Variants in PIEZO2 observed in about 807,000 individuals in gnomAD.
PIEZO2 encodes piezo-type mechanosensitive ion channel component 2.
A neutral mutation model predicts 337.3 loss-of-function variants in PIEZO2; 172 were observed. The ratio of observed to expected loss-of-function variants is 0.51; its 90% CI spans 0.45 to 0.58. The LOEUF is 0.58. PIEZO2 is among the 20% of genes least tolerant of loss of function. The pLI is 0.00. For synonymous variants in PIEZO2, 1,251 were observed against 1,228.5 expected (o/e 1.02, Z -0.38); for missense variants, 3,028 against 3,391.3 (o/e 0.89, Z 2.66).
At chr18:10,939,084 A>C (rs1018928292) in intron 3 of PIEZO2, among the ~76,000 whole-genome samples, 49 of 129,394 alleles carry the variant, frequency 3.8e-4, no homozygotes, top group East Asian at 1.7e-3. Context: ...CAAAACAAAA[A>C]AAAAATGTAA....
Position 10,731,391 on chromosome 18 carries a change from C to A in PIEZO2, c.5029+16G>T, listed in dbSNP as rs532759799. ...AACCTGCCACACCCACCACAGCCAC[C>A]CCACCCACCACTCACCCTCCTTGGA... On this transcript the variant is annotated intron_variant, in intron 36 of 55. Coordinates refer to ENST00000674853, the MANE Select transcript of PIEZO2 (RefSeq NM_001378183.1). 5.3e-6 allele frequency: 8 copies of A among 1,519,506 alleles called. No individual in the cohort carries two copies. The African/African-American group carries it at 6.9e-5, about 13-fold the overall frequency. 94.1% of individuals were successfully genotyped at this position (1,519,506 alleles called of 1,614,324 possible).
chr18:10,808,340 A>T (rs1345620906), intron 7 of PIEZO2, among the ~76,000 whole-genome samples: 4 of 152,122 alleles, frequency 2.6e-5, no homozygotes, highest in African/African-American at 9.7e-5. Context: ...GATCCTCCCA[A>T]GTTAGTCTCC....
chr18:10,720,188 TAG>T (rs2036197952), intron 36 of PIEZO2, among the ~76,000 whole-genome samples: 1 of 142,296 alleles, frequency 7.0e-6, no homozygotes, highest in Admixed American at 7.8e-5. Context: ...GCTTCATATA[TAG>T]AGAGAGGATA....
rs1265219348 is a variant in PIEZO2, at chr18:11,083,026, G to T, written c.65-16804C>A. ...GGTGGCACCACCTTTCACAGAAGTT[G>T]CCTTATGGATGTGGACATCACCTCT... On this transcript the variant is annotated intron_variant, in intron 1 of 55. Transcript: ENST00000674853. The surrounding 1 kb of genome is among the most constrained non-coding windows in gnomAD (Gnocchi z 4.4). Among the ~76,000 whole-genome samples, 1 of 152,182 alleles carries T rather than the reference G, an allele frequency of 6.6e-6. No individual in the cohort carries two copies.
intron 2 of PIEZO2, among the ~76,000 whole-genome samples, chr18:10,985,194 A>T (rs2034824173): frequency 6.6e-6 from 1 of 152,122 alleles, no homozygotes; most frequent in East Asian, 1.9e-4. Flanking sequence ...GAATACCGTA[A>T]TGGTGATATG....
intron 2 of PIEZO2, among the ~76,000 whole-genome samples, chr18:11,041,881 G>T (rs1001501734): frequency 2.0e-5 from 3 of 152,178 alleles, no homozygotes; most frequent in African/African-American, 4.8e-5. Context: ...CAGTGGCATT[G>T]AAAACTATCT....
chr18:11,059,927 T>A (rs564954661), intron 2 of PIEZO2, among the ~76,000 whole-genome samples: 1 of 152,110 alleles, frequency 6.6e-6, no homozygotes, highest in Non-Finnish European at 1.5e-5. Context: ...TCTACAGAAG[T>A]CTCCACCCCA....
chr18:10,765,309 G>A (rs2038305207), intron 21 of PIEZO2, among the ~76,000 whole-genome samples: 1 of 152,204 alleles, frequency 6.6e-6, no homozygotes, highest in Admixed American at 6.5e-5. Flanking sequence ...TTCATTGTGA[G>A]AGAAGTGTGA....
At position 10,872,529 on chromosome 18, in the gene PIEZO2, C is replaced by T. The variant is rs1410865004; in HGVS notation, c.330-1114G>A. Among the ~76,000 whole-genome samples, 1 of 152,178 alleles carries T rather than the reference C, an allele frequency of 6.6e-6. No homozygotes were observed. Among genetic ancestry groups the T allele is most frequent in the Non-Finnish European group, 1.5e-5 (1 of 68,036 alleles). ...TGGCTAAGCTCACTCTGCTGCAAGACACCAGAGCTTAATAGGCACTGGCAG... is the reference window on the plus strand; with the variant it reads ...TGGCTAAGCTCACTCTGCTGCAAGATACCAGAGCTTAATAGGCACTGGCAG... On this transcript the variant is annotated intron_variant, in intron 4 of 55. Transcript: ENST00000674853. The surrounding 1 kb of genome is among the most constrained non-coding windows in gnomAD (Gnocchi z 4.3).
intron 2 of PIEZO2, among the ~76,000 whole-genome samples, chr18:11,039,355 G>A (rs772411932): frequency 6.6e-5 from 10 of 152,114 alleles, no homozygotes; most frequent in South Asian, 4.1e-4. Flanking sequence ...CAGAAAGGGC[G>A]GAAAAAAGCT....
chr18:10,965,720 C>G (rs2033968796), intron 3 of PIEZO2, among the ~76,000 whole-genome samples: 1 of 152,108 alleles, frequency 6.6e-6, no homozygotes, highest in Admixed American at 6.5e-5. Context: ...TGACAAAAAT[C>G]AAAACCACCC....
intron 2 of PIEZO2, among the ~76,000 whole-genome samples, chr18:11,050,432 GCAT>G (rs1372918916): frequency 1.3e-5 from 2 of 151,844 alleles, no homozygotes; most frequent in Non-Finnish European, 2.9e-5. Flanking sequence ...TTCAAATGGG[GCAT>G]CGTTTTTCTT....
intron 14 of PIEZO2, 22 bp from the exon 15 acceptor site, chr18:10,789,387 G>A: frequency 6.6e-7 from 1 of 1,524,494 alleles, no homozygotes; most frequent in Non-Finnish European, 8.8e-7. Context: ...AAACTGTGCT[G>A]TTATACTTAG....
At chr18:11,072,238 C>A (rs932520429) in intron 1 of PIEZO2, among the ~76,000 whole-genome samples, 2 of 152,118 alleles carry the variant, frequency 1.3e-5, no homozygotes, top group African/African-American at 4.8e-5. Flanking sequence ...GGGATCCATG[C>A]TTACAAAATG....
At chr18:10,686,749 T>C (rs1175117433) in intron 49 of PIEZO2, among the ~76,000 whole-genome samples, 4 of 151,956 alleles carry the variant, frequency 2.6e-5, no homozygotes, top group African/African-American at 9.7e-5. Context: ...GAAACAGAGG[T>C]GTCTTCATTG....
intron 2 of PIEZO2, among the ~76,000 whole-genome samples, chr18:10,989,497 A>G (rs1313165466): frequency 6.6e-6 from 1 of 152,012 alleles, no homozygotes; most frequent in Non-Finnish European, 1.5e-5. Flanking sequence ...AAGACAAAAA[A>G]AAAAGGAGAG....
rs144324665 is a variant in PIEZO2 at position 10,917,731 on chromosome 18, G to A, written c.287-6503C>T. On this transcript the variant is annotated intron_variant, in intron 3 of 55. Coordinates refer to ENST00000674853, the MANE Select transcript of PIEZO2 (RefSeq NM_001378183.1). ...AAAGGATTAATAATTCATGGAAGTGGTGGTTTTTTGCCAGCATATTCCTAT... is the reference window on the plus strand; with the variant it reads ...AAAGGATTAATAATTCATGGAAGTGATGGTTTTTTGCCAGCATATTCCTAT... Among the ~76,000 whole-genome samples, 524 of 152,288 alleles carry A rather than the reference G, an allele frequency of 3.4e-3. 1 individual carries two copies. Among genetic ancestry groups the A allele is most frequent in the African/African-American group, 0.012 (509 of 41,562 alleles).
rs2040740400 is a variant in PIEZO2, at chr18:10,828,263, T to A, written c.918-20989A>T. Among the ~76,000 whole-genome samples the A allele has an allele frequency of 6.6e-6, 1 of 152,152 alleles. No homozygotes were observed. The highest frequency in any genetic ancestry group is 2.4e-5 in the African/African-American group (1 of 41,438). The stretch of plus-strand genomic sequence containing the variant: ...ATTTGATAGAAAATTTTCCCTATCT[T>A]CTTAAAAGCTTGTCAATAATGGAAA... On this transcript the variant is annotated intron_variant, in intron 7 of 55. Coordinates refer to ENST00000674853, the MANE Select transcript of PIEZO2 (RefSeq NM_001378183.1). The surrounding 1 kb of genome is among the most constrained non-coding windows in gnomAD (Gnocchi z 4.1).
intron 1 of PIEZO2, among the ~76,000 whole-genome samples, chr18:11,074,014 T>G (rs1462664998): frequency 6.6e-6 from 1 of 151,946 alleles, no homozygotes; most frequent in Non-Finnish European, 1.5e-5. Context: ...GCCCGGCTAA[T>G]TTTTTGTATT....
Sources: gnomAD v4.1 joint callset for allele counts (sites outside exome capture counted in the v4.1 genomes callset) on GRCh38, gnomAD v4.1.1 for gene constraint, Gnocchi (gnomAD v3.1) non-coding constraint, MANE v1.5 for transcripts, NCBI Gene and HGNC (gene_info 2026-07-23, HGNC 2026-07-21) for gene names.